The following ASIC2 variants were observed in gnomAD, a reference collection of about 807,000 sequenced individuals.
ASIC2 encodes the protein acid-sensing ion channel 2.
ASIC2 carries 25 observed loss-of-function variants against 57.3 expected under a neutral mutation model. The ratio of observed to expected loss-of-function variants is 0.44; its 90% CI spans 0.32 to 0.61. The LOEUF is 0.61. Among genes scored for constraint, ASIC2 ranks in the 20% least tolerant of loss-of-function variants. The pLI is 0.06. For missense variants in ASIC2, 641 were observed against 738.1 expected (o/e 0.87, Z 1.52); for synonymous variants, 319 against 307.5 (o/e 1.04, Z -0.39).
chr17:33,304,051 GA>G (rs1280617378), intron 1 of ASIC2, among the ~76,000 whole-genome samples: 1 of 152,122 alleles, frequency 6.6e-6, no homozygotes, highest in East Asian at 1.9e-4. Flanking sequence ...ATAATAGAGG[GA>G]AAAAATAACA....
At chr17:33,191,253 T>C (rs1413451436) in intron 1 of ASIC2, among the ~76,000 whole-genome samples, 1 of 152,182 alleles carries the variant, frequency 6.6e-6, no homozygotes, top group Non-Finnish European at 1.5e-5. Flanking sequence ...ATAATTCCAT[T>C]CATATAACAT....
chr17:33,169,767 G>A (rs1905438400), intron 1 of ASIC2, among the ~76,000 whole-genome samples: 1 of 152,190 alleles, frequency 6.6e-6, no homozygotes, highest in African/African-American at 2.4e-5. Context: ...ATAGCAGAGG[G>A]GGTTTCTGGA....
chr17:33,491,180 C>T (rs186953174), intron 1 of ASIC2, among the ~76,000 whole-genome samples: 120 of 152,232 alleles, frequency 7.9e-4, no homozygotes, highest in Non-Finnish European at 6.5e-4. Flanking sequence ...ATTCCCACAC[C>T]CACAGGACAT....
At chr17:33,455,382 G>A (rs1179646503) in intron 1 of ASIC2, among the ~76,000 whole-genome samples, 3 of 152,094 alleles carry the variant, frequency 2.0e-5, no homozygotes, top group Admixed American at 1.3e-4. Flanking sequence ...TATTGTTCCA[G>A]TCTTTACATC....
At chr17:33,862,293 C>T (rs1291217295) in intron 1 of ASIC2, among the ~76,000 whole-genome samples, 1 of 152,156 alleles carries the variant, frequency 6.6e-6, no homozygotes, top group East Asian at 1.9e-4. Flanking sequence ...TGTTCAGGAC[C>T]AGAGAATAGA....
Position 33,716,512 on chromosome 17 carries a change from G to T in ASIC2, c.555+439466C>A, listed in dbSNP as rs116722841. On this transcript the variant is annotated intron_variant, in intron 1 of 9. Transcript: ENST00000359872. ...AAGTGGGAGCTATTTCCAAACTCAG[G>T]CTTTAATTACTTATCGTTGGACTTG... Among the ~76,000 whole-genome samples, 188 of 152,276 alleles carry T rather than the reference G, an allele frequency of 1.2e-3. 1 individual carries two copies. The highest frequency in any genetic ancestry group is 4.5e-3 in the African/African-American group (185 of 41,546).
chr17:33,155,783 C>T (rs1904985046), intron 1 of ASIC2, among the ~76,000 whole-genome samples: 1 of 152,044 alleles, frequency 6.6e-6, no homozygotes, highest in Non-Finnish European at 1.5e-5. Flanking sequence ...TGGTCTCCAA[C>T]TCCTGACTTC....
At chr17:33,769,876 A>C (rs114321353) in intron 1 of ASIC2, among the ~76,000 whole-genome samples, 2,451 of 152,276 alleles carry the variant, frequency 0.016, 64 homozygotes, top group African/African-American at 0.055. Flanking sequence ...CAGAGGGAGA[A>C]AACCCATGGC....
chr17:33,910,182 A>G (rs1168242772), intron 1 of ASIC2, among the ~76,000 whole-genome samples: 2 of 152,190 alleles, frequency 1.3e-5, no homozygotes, highest in African/African-American at 4.8e-5. Flanking sequence ...GCAAAGATGA[A>G]TAAGGGGATA....
intron 1 of ASIC2, among the ~76,000 whole-genome samples, chr17:33,940,121 A>G (rs1053142535): frequency 6.6e-6 from 1 of 152,222 alleles, no homozygotes; most frequent in Non-Finnish European, 1.5e-5. Context: ...GTCCAAGGTC[A>G]TGTGGTCAGC....
chr17:33,823,140 T>C (rs1421869775), intron 1 of ASIC2, among the ~76,000 whole-genome samples: 1 of 152,150 alleles, frequency 6.6e-6, no homozygotes, highest in Admixed American at 6.5e-5. Context: ...CCCTGTTCAG[T>C]AGTGGGGGCT....
chr17:33,139,077 C>T (rs2092377499), intron 1 of ASIC2, among the ~76,000 whole-genome samples: 2 of 152,196 alleles, frequency 1.3e-5, no homozygotes, highest in African/African-American at 4.8e-5. Context: ...ATCCCTAAAC[C>T]TCCTTCCAGC....
chr17:34,142,435 C>T lies in ASIC2; in HGVS notation c.555+13543G>A, dbSNP rs549295515. Among the ~76,000 whole-genome samples the T allele has an allele frequency of 5.9e-5, 9 of 152,246 alleles. No homozygotes were observed. In the South Asian group the frequency reaches 6.2e-4, roughly 11 times the overall value. On this transcript the variant is annotated intron_variant, in intron 1 of 9. Transcript: ENST00000359872. ...TAGGTGGGGATGACAAGAGAGAGAA[C>T]GGTGAGAAAAATCTCACATAGGTTG... is the stretch of plus-strand genomic sequence containing the variant.
rs544206980 is a variant in ASIC2, at chr17:33,838,871, A to C, written c.555+317107T>G. ...TAAAGCTCCACAAGTCATTCCCAAG[A>C]GTAGCCAGAGTTGAAAACTTCTACT... is the stretch of plus-strand genomic sequence containing the variant. On this transcript the variant is annotated intron_variant, in intron 1 of 9. Transcript: ENST00000359872. Among the ~76,000 whole-genome samples, 206 of 152,306 alleles carry C rather than the reference A, an allele frequency of 1.4e-3. 1 individual carries two copies. Among genetic ancestry groups the C allele is most frequent in the Non-Finnish European group, 2.4e-3 (160 of 68,018 alleles).
Position 34,080,651 on chromosome 17 carries a change from G to A in ASIC2, c.555+75327C>T, listed in dbSNP as rs192990671. Among the ~76,000 whole-genome samples the A allele has an allele frequency of 6.4e-4, 98 of 152,272 alleles. 2 individuals are homozygous for A. The highest frequency in any genetic ancestry group is 2.3e-3 in the African/African-American group (94 of 41,540). On this transcript the variant is annotated intron_variant, in intron 1 of 9. Transcript: ENST00000359872. ...GGTGAAGGGAGAGTCTTGCCTCATGGGAGGCAGAAGGAGATTATGAGGGTT... is the reference window on the plus strand; with the variant it reads ...GGTGAAGGGAGAGTCTTGCCTCATGAGAGGCAGAAGGAGATTATGAGGGTT...
intron 1 of ASIC2, among the ~76,000 whole-genome samples, chr17:33,983,128 A>G (rs1203301733): frequency 1.3e-5 from 2 of 152,204 alleles, no homozygotes; most frequent in African/African-American, 4.8e-5. Flanking sequence ...CTGCATATAA[A>G]CAAGTATACC....
chr17:33,815,351 C>A (rs914530481), intron 1 of ASIC2, among the ~76,000 whole-genome samples: 3 of 152,200 alleles, frequency 2.0e-5, no homozygotes, highest in African/African-American at 7.2e-5. Context: ...CCCCCACAGG[C>A]TGTTGCTGAA....
At chr17:33,080,763 G>C (rs1214937488) in intron 3 of ASIC2, among the ~76,000 whole-genome samples, 1 of 152,162 alleles carries the variant, frequency 6.6e-6, no homozygotes, top group Admixed American at 6.6e-5. Flanking sequence ...CACAGACACG[G>C]CTGCTAAGTG....
At chr17:34,077,406 C>T (rs1254343904) in intron 1 of ASIC2, among the ~76,000 whole-genome samples, 2 of 152,034 alleles carry the variant, frequency 1.3e-5, no homozygotes, top group Non-Finnish European at 2.9e-5. Flanking sequence ...TTGCCCACGT[C>T]ATACCCTCTC....
Sources: allele counts gnomAD v4.1 joint callset (sites outside exome capture counted in the v4.1 genomes callset), GRCh38; gene constraint gnomAD v4.1.1; transcripts MANE v1.5; gene names NCBI Gene and HGNC (gene_info 2026-07-23, HGNC 2026-07-21).